ORC2: variants seen among roughly 807,000 people sequenced by gnomAD.
The protein encoded by ORC2 is origin recognition complex subunit 2.
In ORC2, 37 loss-of-function variants were observed where a neutral mutation model predicts 77.7. The ratio of observed to expected loss-of-function variants is 0.48; its 90% confidence interval spans 0.37 to 0.63. The LOEUF (loss-of-function observed/expected upper bound fraction) is 0.63, where lower values mean the gene tolerates loss of function less well. Ranked by LOEUF, ORC2 falls within the 20% of genes least tolerant of loss-of-function variation. The pLI, the probability that ORC2 is intolerant of heterozygous loss-of-function variation, is 0.00. For missense variants in ORC2, 557 were observed against 661.9 expected (o/e 0.84, Z 1.74); for synonymous variants, 201 against 229.5 (o/e 0.88, Z 1.12).
chr2:200,933,220 T>C (rs1350487242), intron 10 of ORC2, among the ~76,000 whole-genome samples: 1 of 151,732 alleles, frequency 6.6e-6, no homozygotes, highest in Non-Finnish European at 1.5e-5. Flanking sequence ...AGTATAACTG[T>C]ATGGTATTTT....
chr2:200,950,111 C>T (rs924418661), intron 4 of ORC2, among the ~76,000 whole-genome samples: 1 of 152,066 alleles, frequency 6.6e-6, no homozygotes, highest in Non-Finnish European at 1.5e-5. Context: ...GCCAGGTGAT[C>T]ACGAGGTCAG....
rs1481086653 is a variant in ORC2, at chr2:200,920,299, AGAG to A, written c.1386_1388del (p.Ser463del). The A allele has an allele frequency of 6.2e-7, 1 of 1,613,980 alleles. No individual in the cohort carries two copies. Among genetic ancestry groups the A allele is most frequent in the East Asian group, 2.2e-5 (1 of 44,846 alleles). ...GGGATCCAGACTGCTTTACCAGAAG[AGAG>A]TTCTCATAGGAGGTTTCTTCAGTAT... On this transcript the variant is annotated inframe_deletion, in exon 15 of 18. Transcript: ENST00000234296.
intron 11 of ORC2, 123 bp from the exon 12 acceptor site, chr2:200,927,023 T>C (rs1373461702): frequency 3.0e-6 from 3 of 1,002,956 alleles, no homozygotes; most frequent in African/African-American, 3.3e-5. Context: ...GCGCACTGGC[T>C]CAAGCCTGTA....
chr2:200,956,272 C>T (rs948035706), intron 4 of ORC2, among the ~76,000 whole-genome samples: 3 of 152,038 alleles, frequency 2.0e-5, no homozygotes, highest in East Asian at 3.9e-4. Context: ...CTCTGTTGCC[C>T]AGGCTGGAGT....
chr2:200,954,933 A>AATAAATAG (rs1178058637), intron 4 of ORC2, among the ~76,000 whole-genome samples: 2 of 151,980 alleles, frequency 1.3e-5, no homozygotes, highest in Non-Finnish European at 2.9e-5. Flanking sequence ...TAAATAAATA[A>AATAAATAG]ATAAATGGTA....
intron 5 of ORC2, among the ~76,000 whole-genome samples, chr2:200,948,762 C>A (rs2041297118): frequency 2.6e-5 from 4 of 151,920 alleles, no homozygotes; most frequent in Admixed American, 2.6e-4. Context: ...CGGGGTTTTA[C>A]CATGTTAGCC....
intron 5 of ORC2, among the ~76,000 whole-genome samples, chr2:200,944,313 A>C (rs1305485953): frequency 6.6e-6 from 1 of 152,064 alleles, no homozygotes; most frequent in Admixed American, 6.5e-5. Context: ...AGCTGGGATT[A>C]CACATGTGTG....
In ORC2 at chr2:200,957,483, C is replaced by T. The variant is rs1416254349; in HGVS notation, c.156G>A (p.Lys52=). 6.2e-7 allele frequency: 1 copy of T among 1,610,654 alleles called. No homozygotes were observed. The highest frequency in any genetic ancestry group is 2.2e-5 in the East Asian group (1 of 44,576). Residue 52 remains lysine (K), a synonymous_variant, in exon 4 of 18, where the codon AAG becomes AAA. Coordinates refer to ENST00000234296, the MANE Select transcript of ORC2 (RefSeq NM_006190.5). ...CATCTTCCTCCAAATCATATTCTGG[C>T]TTCTTTATTATTTTTTTGGGGTTGA... is the stretch of plus-strand genomic sequence containing the variant. ...LLVNPKKIIK[K]PEYDLEEDDQ... is the part of the protein sequence containing the mutation.
chr2:200,958,015 A>C lies in ORC2; in HGVS notation c.94+15T>G. ...TATAATAAGCATCTCTTCAAATTGT[A>C]CAATCACTTAATACCTCCTTCTCTA... On this transcript the variant is annotated intron_variant, in intron 3 of 17. Coordinates refer to ENST00000234296, the MANE Select transcript of ORC2 (RefSeq NM_006190.5). 6.9e-7 allele frequency: 1 copy of C among 1,446,400 alleles called. No individual in the cohort carries two copies. The highest frequency in any genetic ancestry group is 9.7e-7 in the Non-Finnish European group (1 of 1,030,828). 89.6% of individuals were successfully genotyped at this position (1,446,400 alleles called of 1,614,324 possible).
At position 200,953,920 on chromosome 2, in the gene ORC2, G is replaced by GA. The variant is rs551711794; in HGVS notation, c.238+3480dup. On this transcript the variant is annotated intron_variant, in intron 4 of 17. Transcript: ENST00000234296. ...CAGCCTCAACCTCCTGGGCTCCAGT[G>GA]ATCCTCCCACTTCAGCCTTCTGAGC... Among the ~76,000 whole-genome samples the GA allele has an allele frequency of 1.2e-4, 18 of 152,262 alleles. No homozygotes were observed. In the South Asian group the frequency reaches 3.7e-3, roughly 32 times the overall value.
In ORC2 at chr2:200,921,079, T is replaced by G; in HGVS notation, c.1208A>C (p.Glu403Ala). Residue 403 changes from glutamate (E) to alanine (A), a missense_variant, in exon 14 of 18, where the codon GAG becomes GCG. Physicochemically the swap from Glu to Ala is moderately radical, Grantham distance 107. Coordinates refer to ENST00000234296, the MANE Select transcript of ORC2 (RefSeq NM_006190.5). ...CTGACCAATGATTTGCTGGCTCTTCTCTCCTCTCAACATCTGGCTATCCAA... is the reference window on the plus strand; with the variant it reads ...CTGACCAATGATTTGCTGGCTCTTCGCTCCTCTCAACATCTGGCTATCCAA... ...HNLDSQMLRGEKSQQIIGQLS... is the reference protein window; with the variant it reads ...HNLDSQMLRGAKSQQIIGQLS... The G allele has an allele frequency of 6.2e-7, 1 of 1,610,132 alleles. No homozygotes were observed. The highest frequency in any genetic ancestry group is 2.2e-5 in the East Asian group (1 of 44,724).
intron 13 of ORC2, among the ~76,000 whole-genome samples, 159 bp downstream of exon 13, chr2:200,925,677 T>C (rs753115676): frequency 3.3e-5 from 5 of 152,190 alleles, no homozygotes; most frequent in Non-Finnish European, 7.3e-5. Flanking sequence ...AGGTCAAGGC[T>C]GCAGTGAGCC....
intron 13 of ORC2, chr2:200,921,365 G>T (rs924956510): frequency 8.7e-5 from 23 of 264,556 alleles, no homozygotes; most frequent in Non-Finnish European, 1.4e-4. Flanking sequence ...AAGTTGCCCA[G>T]GTTGGTCTTG....
chr2:200,932,867 C>T (rs1386858301), intron 10 of ORC2, among the ~76,000 whole-genome samples: 1 of 152,182 alleles, frequency 6.6e-6, no homozygotes, highest in Non-Finnish European at 1.5e-5. Flanking sequence ...CCTAGATCAG[C>T]CAACTTCTGA....
At chr2:200,919,631 T>A (rs1395491933) in intron 15 of ORC2, among the ~76,000 whole-genome samples, 1 of 152,262 alleles carries the variant, frequency 6.6e-6, no homozygotes, top group Non-Finnish European at 1.5e-5. Flanking sequence ...AGTGCTGGTA[T>A]TACAGGTGTA....
In ORC2 at chr2:200,957,505, T is replaced by G; in HGVS notation, c.134A>C (p.Asn45Thr). The G allele has an allele frequency of 6.2e-7, 1 of 1,610,806 alleles. No individual in the cohort carries two copies. The highest frequency in any genetic ancestry group is 1.3e-5 in the African/African-American group (1 of 74,860). The stretch of plus-strand genomic sequence containing the variant: ...TGGCTTCTTTATTATTTTTTTGGGG[T>G]TGACCAAAAGCTGCGCTCGCTCCTT... ...LKKERAQLLV[N>T]PKKIIKKPEY... Residue 45 changes from asparagine (N) to threonine (T), a missense_variant, in exon 4 of 18, where the codon AAC (asparagine) becomes ACC (threonine). Transcript: ENST00000234296.
intron 8 of ORC2, among the ~76,000 whole-genome samples, chr2:200,936,816 C>G (rs2041056080): frequency 6.6e-6 from 1 of 152,128 alleles, no homozygotes; most frequent in African/African-American, 2.4e-5. Flanking sequence ...GCTAGTTTTA[C>G]ATTTATCAAA....
chr2:200,931,492 C>T (rs1423883205), intron 10 of ORC2, 44 bp from the exon 11 acceptor site: 1 of 1,014,468 alleles, frequency 9.9e-7, no homozygotes, highest in Non-Finnish European at 1.5e-6. Flanking sequence ...TCTCAAAGCA[C>T]AGACAGCAAA....
intron 11 of ORC2, 21 bp from the exon 12 acceptor site, chr2:200,926,921 C>T: frequency 6.2e-7 from 1 of 1,608,752 alleles, no homozygotes; most frequent in South Asian, 1.1e-5. Context: ...AGACAGTATT[C>T]ATGAAATTAA....
Sources: allele counts gnomAD v4.1 joint callset (sites outside exome capture counted in the v4.1 genomes callset), GRCh38; gene constraint gnomAD v4.1.1; transcripts MANE v1.5; gene names NCBI Gene and HGNC (gene_info 2026-07-23, HGNC 2026-07-21).